The following SNX29 variants were observed in gnomAD, a reference collection of about 807,000 sequenced individuals.
SNX29 encodes sorting nexin-29.
In SNX29, 78 loss-of-function variants were observed where a neutral mutation model predicts 102.1. That is an observed-to-expected ratio of 0.76 (90% CI 0.64 to 0.92). The LOEUF is 0.92. SNX29 is among the 40% of genes least tolerant of loss of function. SNX29 has a pLI of 0.00. For missense variants in SNX29, 1,280 were observed against 1,061.7 expected, an observed-to-expected ratio of 1.21 and a Z score of -2.86; for synonymous variants, 580 against 414.5, an observed-to-expected ratio of 1.40 and a Z score of -4.85.
Position 12,098,573 on chromosome 16 carries a change from C to T in SNX29, c.1402+19658C>T, listed in dbSNP as rs572728128. Among the ~76,000 whole-genome samples, 16 of 152,286 alleles carry T rather than the reference C, an allele frequency of 1.1e-4. No individual in the cohort carries two copies. Among genetic ancestry groups the T allele is most frequent in the South Asian group, 4.1e-4 (2 of 4,830 alleles). On this transcript the variant is annotated intron_variant, in intron 11 of 20. Coordinates refer to ENST00000566228, the MANE Select transcript of SNX29 (RefSeq NM_032167.5). The surrounding 1 kb of genome is among the most constrained non-coding windows in gnomAD (Gnocchi z 6.0). ...TGTGCGCAGACGATTCAGTTTCATG[C>T]GCGCCCGATTCAGTTTCATGCTCTT...
At chr16:12,537,238 C>G (rs1021256206) in intron 20 of SNX29, among the ~76,000 whole-genome samples, 2 of 152,180 alleles carry the variant, frequency 1.3e-5, no homozygotes, top group African/African-American at 4.8e-5. Context: ...GTGCCAGGCA[C>G]ACCCAAAATA....
intron 20 of SNX29, among the ~76,000 whole-genome samples, chr16:12,543,162 T>C (rs2077420767): frequency 1.3e-5 from 2 of 152,314 alleles, no homozygotes; most frequent in East Asian, 3.9e-4. Flanking sequence ...ATAAGTGTTC[T>C]CATCAGCTCC....
intron 3 of SNX29, among the ~76,000 whole-genome samples, chr16:12,006,652 G>C (rs2056464315): frequency 6.7e-6 from 1 of 150,262 alleles, no homozygotes; most frequent in Non-Finnish European, 1.5e-5. Flanking sequence ...ACAGGGTCTT[G>C]CTCTGTTGCT....
chr16:12,390,776 T>C (rs1263495817), intron 16 of SNX29, among the ~76,000 whole-genome samples: 1 of 151,712 alleles, frequency 6.6e-6, no homozygotes, highest in Non-Finnish European at 1.5e-5. Context: ...GTTGTCCCCA[T>C]TTTCCAGGAG....
intron 19 of SNX29, chr16:12,515,395 G>A (rs2089818454): frequency 2.4e-6 from 1 of 417,382 alleles, no homozygotes; most frequent in Non-Finnish European, 4.8e-6. Context: ...ATATGTGACT[G>A]GAGAGCTGAA....
At chr16:12,238,253 G>C (rs1479397646) in intron 14 of SNX29, among the ~76,000 whole-genome samples, 3 of 151,220 alleles carry the variant, frequency 2.0e-5, no homozygotes, top group Non-Finnish European at 4.4e-5. Flanking sequence ...GAAATTAAGG[G>C]GTAAGAAGGC....
intron 14 of SNX29, among the ~76,000 whole-genome samples, chr16:12,272,381 T>C (rs1221468750): frequency 6.6e-6 from 1 of 152,152 alleles, no homozygotes; most frequent in Admixed American, 6.6e-5. Flanking sequence ...GATGAAGAGA[T>C]CATTTGGAGT....
chr16:12,411,416 C>G (rs2084394010), intron 18 of SNX29, among the ~76,000 whole-genome samples: 2 of 152,182 alleles, frequency 1.3e-5, no homozygotes, highest in Non-Finnish European at 2.9e-5. Context: ...CCTAGCTGTT[C>G]CTGGAATGCT....
intron 13 of SNX29, among the ~76,000 whole-genome samples, chr16:12,138,864 AAG>A (rs2054760352): frequency 6.6e-6 from 1 of 151,978 alleles, no homozygotes; most frequent in Non-Finnish European, 1.5e-5. Context: ...TTTTTTGTTC[AAG>A]AGAGTTTGAG....
chr16:11,976,947 C>A, intron 1 of SNX29, 134 bp downstream of exon 1: 1 of 1,154,420 alleles, frequency 8.7e-7, no homozygotes, highest in Non-Finnish European at 1.1e-6. Flanking sequence ...CTTTTCCAGA[C>A]CCCTGGCCCC....
chr16:12,521,662 C>G (rs977034270), intron 19 of SNX29, among the ~76,000 whole-genome samples: 2 of 152,148 alleles, frequency 1.3e-5, no homozygotes, highest in Admixed American at 1.3e-4. Context: ...TTGAGGGTTT[C>G]TTGTGCAGAT....
At chr16:12,143,421 G>C (rs1342649464) in intron 13 of SNX29, among the ~76,000 whole-genome samples, 1 of 152,182 alleles carries the variant, frequency 6.6e-6, no homozygotes, top group East Asian at 1.9e-4. Flanking sequence ...CTCAGGGTTA[G>C]GGCAAGGGTG....
intron 18 of SNX29, among the ~76,000 whole-genome samples, chr16:12,465,017 T>A (rs560702899): frequency 9.6e-4 from 147 of 152,338 alleles, no homozygotes; most frequent in African/African-American, 3.2e-3. Flanking sequence ...GAGCACCTTT[T>A]CATCTACTTG....
chr16:12,279,670 A>C (rs963609436), intron 15 of SNX29, among the ~76,000 whole-genome samples: 2 of 152,046 alleles, frequency 1.3e-5, no homozygotes, highest in African/African-American at 4.8e-5. Context: ...CAGGATTCGA[A>C]CCCCTGAAAG....
At chr16:12,038,595 C>T (rs1308410438) in intron 4 of SNX29, 1 of 152,236 alleles carries the variant, frequency 6.6e-6, no homozygotes, top group African/African-American at 2.4e-5. Context: ...AAATAGACCA[C>T]ATTAATTCTG....
At chr16:12,542,361 ACC>A (rs1411024952) in intron 20 of SNX29, among the ~76,000 whole-genome samples, 3 of 152,092 alleles carry the variant, frequency 2.0e-5, no homozygotes, top group Non-Finnish European at 2.9e-5. Context: ...AAAAAGTTAG[ACC>A]CAAGTTCTAT....
intron 19 of SNX29, among the ~76,000 whole-genome samples, chr16:12,508,713 T>G (rs1248719715): frequency 6.6e-6 from 1 of 152,118 alleles, no homozygotes; most frequent in Non-Finnish European, 1.5e-5. Context: ...TTTGGGGTGT[T>G]TGATTCACTC....
At chr16:12,451,825 C>T (rs1332636832) in intron 18 of SNX29, among the ~76,000 whole-genome samples, 1 of 152,222 alleles carries the variant, frequency 6.6e-6, no homozygotes, top group African/African-American at 2.4e-5. Context: ...GATCGCGCCA[C>T]TGCATTCTAG....
intron 13 of SNX29, among the ~76,000 whole-genome samples, chr16:12,166,930 C>T (rs575485913): frequency 1.3e-5 from 2 of 152,298 alleles, no homozygotes; most frequent in South Asian, 2.1e-4. Flanking sequence ...GAAAATGCTC[C>T]GTCTTTGCTT....
Sources: allele counts gnomAD v4.1 joint callset (sites outside exome capture counted in the v4.1 genomes callset), GRCh38; gene constraint gnomAD v4.1.1; non-coding constraint Gnocchi (gnomAD v3.1); transcripts MANE v1.5; gene names NCBI Gene and HGNC (gene_info 2026-07-23, HGNC 2026-07-21).